Variants in PALS2 observed in about 807,000 individuals in gnomAD.
PALS2 encodes the protein protein associated with LIN7 2, MAGUK p55 family member, also known as protein PALS2.
Under a neutral mutation model 61.6 loss-of-function variants are expected in PALS2, and 27 were observed. The observed-to-expected ratio is 0.44, with a 90% CI of 0.32 to 0.60. The LOEUF (loss-of-function observed/expected upper bound fraction) is 0.60, where lower values mean the gene tolerates loss of function less well. PALS2 is among the 20% of genes least tolerant of loss of function. PALS2 has a pLI of 0.05. For synonymous variants in PALS2, 236 were observed against 218.6 expected (o/e 1.08, Z -0.70); for missense variants, 554 against 639.4 (o/e 0.87, Z 1.44).
chr7:24,668,273 A>C (rs113461222), intron 8 of PALS2, among the ~76,000 whole-genome samples: 44 of 152,254 alleles, frequency 2.9e-4, no homozygotes, highest in African/African-American at 1.0e-3. Context: ...TTGCACCACT[A>C]TACTCTACCC....
intron 2 of PALS2, among the ~76,000 whole-genome samples, chr7:24,640,651 G>A (rs776577068): frequency 3.9e-5 from 6 of 152,118 alleles, no homozygotes; most frequent in Non-Finnish European, 8.8e-5. Context: ...AGTTGGAGCC[G>A]CTTAGTGTTC....
chr7:24,659,450 A>G (rs970165857), intron 5 of PALS2, among the ~76,000 whole-genome samples: 1 of 152,210 alleles, frequency 6.6e-6, no homozygotes, highest in Non-Finnish European at 1.5e-5. Flanking sequence ...GGCTGAACTA[A>G]TTTACATGTC....
In PALS2 at chr7:24,596,558, C is replaced by T. The variant is rs77930723; in HGVS notation, c.-3+22965C>T. On this transcript the variant is annotated intron_variant, in intron 1 of 11. Coordinates refer to ENST00000222644, the MANE Select transcript of PALS2 (RefSeq NM_001303037.2). This position sits in a 1 kb window ranked among gnomAD's most constrained non-coding sequence, Gnocchi z 4.5. Reference sequence around the variant, plus strand: ...AAAACATTTTCAAACAATTTTGATTCATTATACTACATATTTTCTTGTAAA... The same window carrying T: ...AAAACATTTTCAAACAATTTTGATTTATTATACTACATATTTTCTTGTAAA... 1.3e-5 allele frequency among the ~76,000 whole-genome samples: 2 copies of T among 151,958 alleles called. No individual in the cohort carries two copies. Among genetic ancestry groups the T allele is most frequent in the African/African-American group, 4.8e-5 (2 of 41,380 alleles).
intron 1 of PALS2, among the ~76,000 whole-genome samples, chr7:24,608,563 T>A (rs1470831601): frequency 6.6e-6 from 1 of 152,156 alleles, no homozygotes; most frequent in Non-Finnish European, 1.5e-5. Flanking sequence ...GGATTAGCAG[T>A]TTCAACTTTA....
intron 2 of PALS2, among the ~76,000 whole-genome samples, chr7:24,640,721 A>G (rs1413195235): frequency 6.6e-6 from 1 of 151,806 alleles, no homozygotes; most frequent in Non-Finnish European, 1.5e-5. Context: ...GATTAGAATT[A>G]CTTTCGGCCG....
At chr7:24,680,084 T>C (rs1787838942) in intron 10 of PALS2, among the ~76,000 whole-genome samples, 1 of 152,206 alleles carries the variant, frequency 6.6e-6, no homozygotes, top group Non-Finnish European at 1.5e-5. Flanking sequence ...TTGAGGTTAT[T>C]TCTACTTTTT....
At chr7:24,624,035 C>T (rs1167832303) in intron 2 of PALS2, 2 of 1,292,366 alleles carry the variant, frequency 1.5e-6, no homozygotes, top group Non-Finnish European at 2.1e-6. Flanking sequence ...TTAGAGAAAT[C>T]ATACCTGCAC....
rs566562035 is a variant in PALS2, at chr7:24,599,582, A to G, written c.-2-24084A>G. Reference sequence around the variant, plus strand: ...TGGAGTGGTGTGATCTGGGCTCACTACAACTTCTGCCTCCTGGGTTCCAGT... The same window carrying G: ...TGGAGTGGTGTGATCTGGGCTCACTGCAACTTCTGCCTCCTGGGTTCCAGT... On this transcript the variant is annotated intron_variant, in intron 1 of 11. Coordinates refer to ENST00000222644, the MANE Select transcript of PALS2 (RefSeq NM_001303037.2). Among the ~76,000 whole-genome samples, 5 of 137,138 alleles carry G rather than the reference A, an allele frequency of 3.6e-5. No homozygotes were observed. The South Asian group carries it at 1.1e-3, about 31-fold the overall frequency. The allele number at this position is 137,138 out of a possible 152,430, so 90.0% of individuals were successfully genotyped here.
At chr7:24,640,947 G>A (rs913666007) in intron 2 of PALS2, among the ~76,000 whole-genome samples, 7 of 141,274 alleles carry the variant, frequency 5.0e-5, no homozygotes, top group African/African-American at 1.6e-4. Context: ...GGCGGAGCTT[G>A]CAGTGAGCTG....
chr7:24,622,683 C>CTT (rs70942815), intron 1 of PALS2, among the ~76,000 whole-genome samples: 5,223 of 135,620 alleles, frequency 0.039, 117 homozygotes, highest in Non-Finnish European at 0.058. Flanking sequence ...TTTCTTTTTT[C>CTT]TTTTTTTTTT....
intron 1 of PALS2, among the ~76,000 whole-genome samples, chr7:24,588,963 T>C (rs1224435309): frequency 6.6e-6 from 1 of 152,210 alleles, no homozygotes; most frequent in Admixed American, 6.5e-5. Flanking sequence ...ATATAAAATA[T>C]AATTCCAGTC....
chr7:24,657,636 TC>T (rs1403126746), intron 5 of PALS2, among the ~76,000 whole-genome samples: 2 of 152,208 alleles, frequency 1.3e-5, no homozygotes, highest in African/African-American at 4.8e-5. Context: ...AGGACTTTCT[TC>T]CAGTCTCTAT....
chr7:24,686,066 C>T (rs373948767), intron 11 of PALS2, among the ~76,000 whole-genome samples: 2 of 152,158 alleles, frequency 1.3e-5, no homozygotes, highest in African/African-American at 4.8e-5. Flanking sequence ...TATGCTCTCC[C>T]TACCCCTCAA....
chr7:24,609,004 T>C (rs774457840), intron 1 of PALS2, among the ~76,000 whole-genome samples: 2 of 152,184 alleles, frequency 1.3e-5, no homozygotes, highest in Non-Finnish European at 2.9e-5. Context: ...ACTTGTTCTT[T>C]TATGAACACA....
At chr7:24,628,201 G>C (rs1466010309) in intron 2 of PALS2, among the ~76,000 whole-genome samples, 1 of 152,198 alleles carries the variant, frequency 6.6e-6, no homozygotes, top group Non-Finnish European at 1.5e-5. Flanking sequence ...TGGGATGCAA[G>C]GCAGGTTCAA....
intron 2 of PALS2, among the ~76,000 whole-genome samples, chr7:24,638,424 G>A (rs1187007987): frequency 4.8e-5 from 2 of 41,344 alleles, no homozygotes; most frequent in African/African-American, 5.7e-4. Context: ...TCCGCCTCCC[G>A]GGTTCACGCC....
chr7:24,691,444 T>TATAC lies in PALS2; in HGVS notation c.*3831_*3832insTACA, dbSNP rs1554319006. The TATAC allele has an allele frequency of 2.3e-4, 31 of 134,350 alleles. No individual in the cohort carries two copies. The highest frequency in any genetic ancestry group is 4.2e-3 in the Middle Eastern group (1 of 240). The allele number at this position is 134,350 out of a possible 1,614,324, so 8.3% of individuals were successfully genotyped here. ...ATATATATATATATATATATATATA[T>TATAC]ACAGCTATGTGTATAATATGTAAAA... On this transcript the variant is annotated 3_prime_UTR_variant, in exon 12 of 12. Transcript: ENST00000222644.
chr7:24,585,187 C>T lies in PALS2; in HGVS notation c.-3+11594C>T, dbSNP rs528406000. On this transcript the variant is annotated intron_variant, in intron 1 of 11. Transcript: ENST00000222644. ...ATATGAACTTTAAAGTAGTTTTTTC[C>T]AATTCTGTGAAGAAAGTCATTGGTA... 2.6e-5 allele frequency among the ~76,000 whole-genome samples: 4 copies of T among 152,054 alleles called. No individual in the cohort carries two copies. The Middle Eastern group carries it at 0.01, about 388-fold the overall frequency.
At chr7:24,619,130 G>T (rs575928727) in intron 1 of PALS2, among the ~76,000 whole-genome samples, 11 of 152,060 alleles carry the variant, frequency 7.2e-5, no homozygotes, top group Non-Finnish European at 1.3e-4. Context: ...GGTCTTTCGT[G>T]ATCCATAATA....
Sources: allele counts gnomAD v4.1 joint callset (sites outside exome capture counted in the v4.1 genomes callset), GRCh38; gene constraint gnomAD v4.1.1; non-coding constraint Gnocchi (gnomAD v3.1); transcripts MANE v1.5; gene names NCBI Gene and HGNC (gene_info 2026-07-23, HGNC 2026-07-21).